The following CEP192 variants were observed in gnomAD, a reference collection of about 807,000 sequenced individuals.
CEP192 encodes centrosomal protein of 192 kDa.
In CEP192, 151 loss-of-function variants were observed where a neutral mutation model predicts 271.8. The observed-to-expected ratio is 0.56, with a 90% confidence interval of 0.49 to 0.64. The LOEUF (loss-of-function observed/expected upper bound fraction) is 0.64. CEP192 is among the 30% of genes least tolerant of loss of function. The probability of loss-of-function intolerance (pLI) is 0.00; values close to 1 mark genes in which losing one functional copy is unlikely to be tolerated. For missense variants in CEP192, 2,910 were observed against 3,020.5 expected (o/e 0.96, Z 0.86); for synonymous variants, 995 against 1,076.5 (o/e 0.92, Z 1.48).
chr18:13,072,928 G>A, intron 29 of CEP192, 81 bp from the exon 30 acceptor site: 1 of 1,542,844 alleles, frequency 6.5e-7, no homozygotes. Context: ...GTGTTATTTA[G>A]CTTTTAAGAA....
chr18:13,053,830 C>A (rs1373586294), intron 18 of CEP192, among the ~76,000 whole-genome samples: 1 of 152,248 alleles, frequency 6.6e-6, no homozygotes, highest in Non-Finnish European at 1.5e-5. Context: ...GCTGGGACTA[C>A]AGGTGTGCAC....
chr18:13,116,734 T>C (rs1333995210), intron 43 of CEP192, among the ~76,000 whole-genome samples: 7 of 152,150 alleles, frequency 4.6e-5, no homozygotes, highest in Middle Eastern at 3.4e-3. Context: ...CTCAGCCTCC[T>C]GAGTAGCTGG....
At chr18:13,004,040 AAG>A (rs2033825173) in intron 3 of CEP192, among the ~76,000 whole-genome samples, 1 of 152,200 alleles carries the variant, frequency 6.6e-6, no homozygotes. Context: ...TGTATAAAAG[AAG>A]AGTTACCTAA....
chr18:13,100,197 T>G (rs1447437937), intron 37 of CEP192, 108 bp from the exon 38 acceptor site: 2 of 723,070 alleles, frequency 2.8e-6, no homozygotes, highest in South Asian at 1.8e-5. Flanking sequence ...TTTATTGATG[T>G]TTTGTTTGTT....
At position 12,999,461 on chromosome 18, in the gene CEP192, C is replaced by A. The variant is rs771835959; in HGVS notation, c.37C>A (p.Pro13Thr). 3 of 1,549,134 alleles carry A rather than the reference C, an allele frequency of 1.9e-6. No homozygotes were observed. The South Asian group carries it at 3.6e-5, about 19-fold the overall frequency. Residue 13 changes from proline (P) to threonine (T), a missense_variant, in exon 2 of 45, where the codon CCA becomes ACA. Transcript: ENST00000506447. ...TCGAGGTATAGCAGAAGAATCATTTCCAAGCTTTCTCACCAATTCATTATT... is the reference window on the plus strand; with the variant it reads ...TCGAGGTATAGCAGAAGAATCATTTACAAGCTTTCTCACCAATTCATTATT... ...DFRGIAEESF[P>T]SFLTNSLFGN...
chr18:12,999,077 A>G (rs758650363), intron 1 of CEP192, among the ~76,000 whole-genome samples: 1 of 152,174 alleles, frequency 6.6e-6, no homozygotes, highest in Non-Finnish European at 1.5e-5. Flanking sequence ...ATTTGTATAT[A>G]CCATCAGTGT....
At chr18:13,031,727 T>A (rs978832957) in intron 11 of CEP192, among the ~76,000 whole-genome samples, 2 of 152,150 alleles carry the variant, frequency 1.3e-5, no homozygotes, top group Non-Finnish European at 2.9e-5. Flanking sequence ...CAGTACACAG[T>A]CATCGGCATC....
intron 6 of CEP192, among the ~76,000 whole-genome samples, chr18:13,016,146 G>A (rs2034633393): frequency 6.6e-6 from 1 of 152,156 alleles, no homozygotes; most frequent in Admixed American, 6.5e-5. Flanking sequence ...AACCCAACAG[G>A]CCCCAAATGT....
At position 13,099,535 on chromosome 18, in the gene CEP192, T is replaced by G. The variant is rs772722419; in HGVS notation, c.6617T>G (p.Phe2206Cys). The G allele has an allele frequency of 2.5e-6, 4 of 1,605,228 alleles. No individual in the cohort carries two copies. In the African/African-American group the frequency reaches 5.4e-5, roughly 22 times the overall value. ...TCCTTATCCACAAAACAGTCAATGT[T>G]CCCGTGGAGTGGTTTGATCTATATA... Reference protein sequence around the residue: ...NSSLSTKQSMFPWSGLIYIHC... With the variant: ...NSSLSTKQSMCPWSGLIYIHC... The change falls in exon 37 of 45, where the codon TTC (phenylalanine) becomes TGC (cysteine). Residue 2206 changes from phenylalanine to cysteine, a missense_variant. Phe to Cys is a radical substitution (Grantham distance 205). Transcript: ENST00000506447.
rs546938302 is a variant in CEP192, at chr18:13,077,975, G to A, written c.5616+4790G>A. 2.6e-5 allele frequency among the ~76,000 whole-genome samples: 4 copies of A among 152,020 alleles called. No homozygotes were observed. The South Asian group carries it at 8.3e-4, about 32-fold the overall frequency. On this transcript the variant is annotated intron_variant, in intron 30 of 44. Transcript: ENST00000506447. ...TATACTTTTAAGTTCTGGGATACGT[G>A]TGCAGAATGTACAGGTTTGTTACAC...
At chr18:13,072,504 A>G (rs1350772471) in intron 28 of CEP192, among the ~76,000 whole-genome samples, 1 of 152,222 alleles carries the variant, frequency 6.6e-6, no homozygotes, top group Non-Finnish European at 1.5e-5. Context: ...CATAGTATTA[A>G]TAATAAGGTC....
At chr18:13,033,288 GA>G (rs754577997) in intron 11 of CEP192, among the ~76,000 whole-genome samples, 1 of 152,102 alleles carries the variant, frequency 6.6e-6, no homozygotes, top group Non-Finnish European at 1.5e-5. Context: ...ACAATTTATA[GA>G]AAAAGAAATA....
At chr18:13,030,961 C>T (rs2035584887) in intron 11 of CEP192, among the ~76,000 whole-genome samples, 1 of 150,608 alleles carries the variant, frequency 6.6e-6, no homozygotes, top group African/African-American at 2.4e-5. Context: ...GTTACAAAAA[C>T]CAGTCCATGA....
intron 34 of CEP192, 93 bp from the exon 35 acceptor site, chr18:13,095,409 TA>T: frequency 4.2e-6 from 4 of 948,868 alleles, no homozygotes; most frequent in Non-Finnish European, 6.4e-6. Context: ...ATGAAGAATA[TA>T]AAAATATGTG....
In CEP192 at chr18:13,092,611, CTAT is replaced by C. The variant is rs1005551198; in HGVS notation, c.6254+95_6254+97del. On this transcript the variant is annotated intron_variant, in intron 34 of 44. Coordinates refer to ENST00000506447, the MANE Select transcript of CEP192 (RefSeq NM_032142.4). The stretch of plus-strand genomic sequence containing the variant: ...AGCTGATCTTTTTTCCTGTACTTCA[CTAT>C]TATTATTATTTTGTCTCAAAATTTT... The C allele has an allele frequency of 6.1e-5, 57 of 938,030 alleles. No homozygotes were observed. In the East Asian group the frequency reaches 8.2e-4, roughly 13 times the overall value. 58.1% of individuals were successfully genotyped at this position (938,030 alleles called of 1,614,324 possible). A position where few individuals can be genotyped will look rare whatever the true frequency, so the allele number is the denominator to read the frequency against.
At position 13,117,503 on chromosome 18, in the gene CEP192, A is replaced by G. The variant is rs1009168780; in HGVS notation, c.7417-82A>G. On this transcript the variant is annotated intron_variant, in intron 43 of 44. Transcript: ENST00000506447. ...CCTAAATTTACAAAATGTATCTGTAATAAATAAATGCTTGGTATGCTTATA... is the reference window on the plus strand; with the variant it reads ...CCTAAATTTACAAAATGTATCTGTAGTAAATAAATGCTTGGTATGCTTATA... 1.5e-5 allele frequency: 15 copies of G among 998,988 alleles called. No individual in the cohort carries two copies. In the African/African-American group the frequency reaches 2.3e-4, roughly 15 times the overall value. 61.9% of individuals were successfully genotyped at this position (998,988 alleles called of 1,614,324 possible).
Position 13,037,056 on chromosome 18 carries a change from G to A in CEP192, c.1535-181G>A, listed in dbSNP as rs2035957742. 1.3e-5 allele frequency among the ~76,000 whole-genome samples: 2 copies of A among 152,194 alleles called. 1 individual carries two copies. The highest frequency in any genetic ancestry group is 4.8e-5 in the African/African-American group (2 of 41,452). On this transcript the variant is annotated intron_variant, in intron 11 of 44. Coordinates refer to ENST00000506447, the MANE Select transcript of CEP192 (RefSeq NM_032142.4). ...AATAACTACAGCAAGGTGTTCTTTA[G>A]CAAAAGTTTGACAACCACAGACTTA...
intron 40 of CEP192, among the ~76,000 whole-genome samples, chr18:13,105,311 C>G (rs576273106): frequency 1.3e-5 from 2 of 152,274 alleles, no homozygotes; most frequent in South Asian, 4.2e-4. Flanking sequence ...CACAGACTGC[C>G]AGTGCTTACA....
At chr18:13,019,014 A>ATC (rs2034828695) in intron 8 of CEP192, 68 bp from the exon 9 acceptor site, 1 of 1,378,304 alleles carries the variant, frequency 7.3e-7, no homozygotes, top group Non-Finnish European at 9.7e-7. Flanking sequence ...GACTGGCAAG[A>ATC]ATCAGTTATT....
Sources: allele counts gnomAD v4.1 joint callset (sites outside exome capture counted in the v4.1 genomes callset), GRCh38; gene constraint gnomAD v4.1.1; transcripts MANE v1.5; gene names NCBI Gene and HGNC (gene_info 2026-07-23, HGNC 2026-07-21).